ETF1: variants seen among roughly 807,000 people sequenced by gnomAD.
ETF1 encodes the protein eukaryotic peptide chain release factor subunit 1.
ETF1 carries 4 observed loss-of-function variants against 55.1 expected under a neutral mutation model. That is an observed-to-expected ratio of 0.07 (90% confidence interval 0.04 to 0.17). The LOEUF is 0.17. ETF1 is among the 10% of genes least tolerant of loss of function. ETF1 has a pLI of 1.00. For synonymous variants in ETF1, 157 were observed against 182.3 expected (o/e 0.86, Z 1.12); for missense variants, 142 against 523.6 (o/e 0.27, Z 7.11).
At chr5:138,523,282 G>A (rs1036578609) in intron 2 of ETF1, among the ~76,000 whole-genome samples, 16 of 152,140 alleles carry the variant, frequency 1.1e-4, no homozygotes, top group Non-Finnish European at 1.9e-4. Context: ...CAGGAGAATC[G>A]CTTGAACCCG....
chr5:138,511,311 G>A, intron 7 of ETF1, 111 bp from the exon 8 acceptor site: 1 of 1,527,888 alleles, frequency 6.5e-7, no homozygotes, highest in Non-Finnish European at 8.8e-7. Context: ...CTTTTACTGA[G>A]GCAAAAGAGT....
At chr5:138,513,418 C>G (rs547635554) in intron 5 of ETF1, 150 bp downstream of exon 5, 1 of 771,136 alleles carries the variant, frequency 1.3e-6, no homozygotes, top group African/African-American at 1.7e-5. Context: ...CAGGGCCGGG[C>G]TGGTCTCGAA....
At chr5:138,520,973 T>C (rs1046845203) in intron 2 of ETF1, among the ~76,000 whole-genome samples, 65 of 152,150 alleles carry the variant, frequency 4.3e-4, no homozygotes, top group Non-Finnish European at 1.6e-4. Flanking sequence ...AATTACCATA[T>C]GATCTAGCCA....
At position 138,517,711 on chromosome 5, in the gene ETF1, CACAA is replaced by C; in HGVS notation, c.263-15_263-12del. The C allele has an allele frequency of 6.9e-7, 1 of 1,441,528 alleles. No homozygotes were observed. The highest frequency in any genetic ancestry group is 9.3e-7 in the Non-Finnish European group (1 of 1,078,762). 89.3% of individuals were successfully genotyped at this position (1,441,528 alleles called of 1,614,324 possible). On this transcript the variant is annotated splice_polypyrimidine_tract_variant and intron_variant, in intron 3 of 10. Coordinates refer to ENST00000360541, the MANE Select transcript of ETF1 (RefSeq NM_004730.4). The stretch of plus-strand genomic sequence containing the variant: ...GACCATTTGGAGGTACTGCAAAGAA[CACAA>C]ACAATTTTTCTACTTTACCCCATAT...
rs1435593497 is a variant in ETF1 at position 138,511,197 on chromosome 5, C to T, written c.866G>A (p.Arg289Gln). Reference protein sequence around the residue: ...KFIQEKKLIGRYFDEISQDTG... With the variant: ...KFIQEKKLIGQYFDEISQDTG... ...GTCCTGGCTGATTTCATCAAAGTAT[C>T]GTCCTACGATTAGGGATCAGTCAAC... is the stretch of plus-strand genomic sequence containing the variant. Residue 289 changes from arginine to glutamine, a missense_variant, in exon 8 of 11, where the codon CGA (arginine) becomes CAA (glutamine). Arg to Gln is a conservative substitution (Grantham distance 43, BLOSUM62 1). Transcript: ENST00000360541. The T allele has an allele frequency of 1.9e-6, 3 of 1,613,926 alleles. No homozygotes were observed. Among genetic ancestry groups the T allele is most frequent in the Admixed American group, 1.7e-5 (1 of 59,984 alleles).
At chr5:138,529,487 G>C (rs964890888) in intron 2 of ETF1, 2 of 481,426 alleles carry the variant, frequency 4.2e-6, no homozygotes, top group African/African-American at 4.2e-5. Flanking sequence ...AAGAACTAGT[G>C]AATCATGGGG....
In ETF1 at chr5:138,513,325, G is replaced by A. The variant is rs543739398; in HGVS notation, c.541+243C>T. The A allele has an allele frequency of 3.3e-5, 17 of 508,006 alleles. No homozygotes were observed. In the East Asian group the frequency reaches 1.1e-3, roughly 32 times the overall value. 31.5% of individuals were successfully genotyped at this position (508,006 alleles called of 1,614,324 possible). Reference sequence around the variant, plus strand: ...TGGCTCAATGCAACCTCCGTCTCCCGGGTTCAAGCAATTCTCCTGCCTCAG... The same window carrying A: ...TGGCTCAATGCAACCTCCGTCTCCCAGGTTCAAGCAATTCTCCTGCCTCAG... On this transcript the variant is annotated intron_variant, in intron 5 of 10. Transcript: ENST00000360541.
chr5:138,526,752 G>A (rs1369359469), intron 2 of ETF1, among the ~76,000 whole-genome samples: 1 of 151,958 alleles, frequency 6.6e-6, no homozygotes, highest in Non-Finnish European at 1.5e-5. Context: ...CCAGGCTGGA[G>A]TGCAGTGGTG....
In ETF1 at chr5:138,506,571, C is replaced by T. The variant is rs1561823930; in HGVS notation, c.*1734G>A. On this transcript the variant is annotated 3_prime_UTR_variant, in exon 11 of 11. Transcript: ENST00000360541. ...TGCAAACAAATAGCAGAGCCCAAAG[C>T]AAAAAAGCCTGTTCCGGTGAAGTCT... The T allele has an allele frequency of 6.6e-6, 1 of 152,590 alleles. No homozygotes were observed. The highest frequency in any genetic ancestry group is 6.5e-5 in the Admixed American group (1 of 15,282). The allele number at this position is 152,590 out of a possible 1,614,324, so 9.5% of individuals were successfully genotyped here. A position where few individuals can be genotyped will look rare whatever the true frequency, so the allele number is the denominator to read the frequency against.
At chr5:138,537,042 A>C (rs573166061) in intron 2 of ETF1, among the ~76,000 whole-genome samples, 1 of 152,304 alleles carries the variant, frequency 6.6e-6, no homozygotes, top group East Asian at 1.9e-4. Flanking sequence ...AAGACTTGAA[A>C]TTCAAAGGGA....
chr5:138,511,389 TAC>T (rs747982310), intron 7 of ETF1, 84 bp downstream of exon 7: 1 of 1,411,690 alleles, frequency 7.1e-7, no homozygotes, highest in South Asian at 1.4e-5. Flanking sequence ...ATCACGTACA[TAC>T]ACACACACAC....
At chr5:138,541,822 A>G (rs1410556133) in intron 2 of ETF1, 3 of 422,814 alleles carry the variant, frequency 7.1e-6, no homozygotes, top group Non-Finnish European at 1.2e-5. Flanking sequence ...AAGGAACAAA[A>G]TAAAGTAATA....
chr5:138,523,025 ACAAAC>A (rs1275767312), intron 2 of ETF1, among the ~76,000 whole-genome samples: 1 of 151,594 alleles, frequency 6.6e-6, no homozygotes, highest in Non-Finnish European at 1.5e-5. Context: ...AAACAAACAA[ACAAAC>A]AAAAAAACCC....
At chr5:138,534,269 T>C (rs1421236704) in intron 2 of ETF1, among the ~76,000 whole-genome samples, 1 of 152,106 alleles carries the variant, frequency 6.6e-6, no homozygotes, top group African/African-American at 2.4e-5. Flanking sequence ...TCTGGTAGAG[T>C]GTGTACACTT....
At chr5:138,541,376 C>T in intron 2 of ETF1, 1 of 607,434 alleles carries the variant, frequency 1.6e-6, no homozygotes, top group Non-Finnish European at 2.9e-6. Context: ...CCGCTGTCTT[C>T]GATTCATATT....
At chr5:138,510,661 C>A in intron 8 of ETF1, 32 bp from the exon 9 acceptor site, 1 of 1,612,096 alleles carries the variant, frequency 6.2e-7, no homozygotes, top group Non-Finnish European at 8.5e-7. Context: ...ATGTGTTAAC[C>A]TGGCTCTCAT....
At chr5:138,521,654 G>A (rs1561836248) in intron 2 of ETF1, among the ~76,000 whole-genome samples, 1 of 151,944 alleles carries the variant, frequency 6.6e-6, no homozygotes, top group Non-Finnish European at 1.5e-5. Flanking sequence ...AGCCTCCCAA[G>A]TAGCTGGGAT....
chr5:138,542,327 G>C (rs1766213371), intron 2 of ETF1, among the ~76,000 whole-genome samples: 1 of 152,178 alleles, frequency 6.6e-6, no homozygotes, highest in African/African-American at 2.4e-5. Flanking sequence ...TCAGAAAGAA[G>C]CTGTCCCTGG....
intron 2 of ETF1, 33 bp downstream of exon 2, chr5:138,542,800 G>A (rs1438954614): frequency 1.9e-6 from 3 of 1,609,574 alleles, no homozygotes; most frequent in Non-Finnish European, 2.5e-6. Context: ...CGGGAACCAA[G>A]AGGGCACGGA....
Sources: gnomAD v4.1 joint callset for allele counts (sites outside exome capture counted in the v4.1 genomes callset) on GRCh38, gnomAD v4.1.1 for gene constraint, MANE v1.5 for transcripts, NCBI Gene and HGNC (gene_info 2026-07-23, HGNC 2026-07-21) for gene names.